DLG2: variants seen among roughly 807,000 people sequenced by gnomAD.
DLG2 encodes discs large MAGUK scaffold protein 2.
Under a neutral mutation model 132.5 loss-of-function variants are expected in DLG2, and 45 were observed. That is an observed-to-expected ratio of 0.34 (90% CI 0.27 to 0.44). The LOEUF is 0.44. Among genes scored for constraint, DLG2 ranks in the 20% least tolerant of loss-of-function variants. The pLI, the probability that DLG2 is intolerant of heterozygous loss-of-function variation, is 1.00. For missense variants in DLG2, 1,045 were observed against 1,196.9 expected, an observed-to-expected ratio of 0.87 and a Z score of 1.87; for synonymous variants, 424 against 419.6, an observed-to-expected ratio of 1.01 and a Z score of -0.13.
At chr11:84,807,035 C>T (rs776522116) in intron 6 of DLG2, among the ~76,000 whole-genome samples, 4 of 151,994 alleles carry the variant, frequency 2.6e-5, no homozygotes, top group Non-Finnish European at 4.4e-5. Flanking sequence ...AAAAGGTGGA[C>T]CCAAACATAC....
At chr11:84,394,970 T>A (rs1286080159) in intron 7 of DLG2, among the ~76,000 whole-genome samples, 20 of 152,192 alleles carry the variant, frequency 1.3e-4, no homozygotes, top group Admixed American at 1.2e-3. Flanking sequence ...CCCCTCCTTC[T>A]GTAATGCCTG....
intron 6 of DLG2, among the ~76,000 whole-genome samples, chr11:84,622,615 A>G (rs1261326898): frequency 1.3e-5 from 2 of 152,186 alleles, no homozygotes; most frequent in African/African-American, 4.8e-5. Flanking sequence ...ATTGCCAGGG[A>G]GACTTCATAG....
At chr11:85,180,173 A>G (rs765922461) in intron 4 of DLG2, among the ~76,000 whole-genome samples, 2 of 151,912 alleles carry the variant, frequency 1.3e-5, no homozygotes, top group African/African-American at 2.4e-5. Context: ...AATATATACT[A>G]ATACCATCCA....
intron 6 of DLG2, among the ~76,000 whole-genome samples, chr11:84,883,664 T>C (rs1365137296): frequency 2.0e-5 from 3 of 152,112 alleles, no homozygotes; most frequent in Non-Finnish European, 2.9e-5. Flanking sequence ...TAAACCATCA[T>C]TGCTAAAATA....
chr11:84,899,910 C>T (rs557743877), intron 6 of DLG2, among the ~76,000 whole-genome samples: 7 of 152,106 alleles, frequency 4.6e-5, no homozygotes, highest in Non-Finnish European at 8.8e-5. Context: ...ACTGGGGTAC[C>T]ATTTGGTAAA....
At chr11:84,578,843 C>T (rs1020993035) in intron 6 of DLG2, among the ~76,000 whole-genome samples, 6 of 152,152 alleles carry the variant, frequency 3.9e-5, no homozygotes, top group Admixed American at 1.3e-4. Flanking sequence ...GTGACCCTAC[C>T]GAAATCTCAA....
chr11:83,667,975 CAAAAAAAAAAA>C lies in DLG2; in HGVS notation c.1826-34661_1826-34651del, dbSNP rs10688898. On this transcript the variant is annotated intron_variant, in intron 18 of 27. Coordinates refer to ENST00000376104, the MANE Select transcript of DLG2 (RefSeq NM_001142699.3). The stretch of plus-strand genomic sequence containing the variant: ...CGGGCGACAGAGTGAGACTCCGTCT[CAAAAAAAAAAA>C]AAAAAAAAAAAGAAATTAAAGGAAG... Among the ~76,000 whole-genome samples, 106 of 39,596 alleles carry C rather than the reference CAAAAAAAAAAA, an allele frequency of 2.7e-3. 1 individual carries two copies. The Middle Eastern group carries it at 0.29, about 110-fold the overall frequency. 26.0% of individuals were successfully genotyped at this position (39,596 alleles called of 152,430 possible). A position where few individuals can be genotyped will look rare whatever the true frequency, so the allele number is the denominator to read the frequency against.
At chr11:85,394,123 CCTTAA>C (rs768393189) in intron 3 of DLG2, among the ~76,000 whole-genome samples, 14 of 152,086 alleles carry the variant, frequency 9.2e-5, no homozygotes, top group Non-Finnish European at 1.3e-4. Context: ...GGTTGTCTGC[CCTTAA>C]CTTCTGTTCC....
rs55655744 is a variant in DLG2, at chr11:84,711,031, T to TAGAG, written c.358-176304_358-176301dup. On this transcript the variant is annotated intron_variant, in intron 6 of 27. Coordinates refer to ENST00000376104, the MANE Select transcript of DLG2 (RefSeq NM_001142699.3). ...ATAGATATATATATATATATATATA[T>TAGAG]AGAGCTGAAAAAAGCATTAAAGTAG... Among the ~76,000 whole-genome samples, 324 of 124,784 alleles carry TAGAG rather than the reference T, an allele frequency of 2.6e-3. 1 individual carries two copies. The highest frequency in any genetic ancestry group is 8.1e-3 in the Middle Eastern group (2 of 246). The allele number at this position is 124,784 out of a possible 152,430, so 81.9% of individuals were successfully genotyped here.
chr11:84,538,835 T>C (rs761814499), intron 6 of DLG2, among the ~76,000 whole-genome samples: 3 of 152,160 alleles, frequency 2.0e-5, no homozygotes, highest in Non-Finnish European at 2.9e-5. Context: ...CCCGTGTTTT[T>C]TTTTCTTTGA....
chr11:84,917,290 G>A (rs184205623), intron 6 of DLG2, among the ~76,000 whole-genome samples: 7 of 152,226 alleles, frequency 4.6e-5, no homozygotes, highest in Admixed American at 4.6e-4. Context: ...GCCAAGAAAA[G>A]GAATGGCAAG....
intron 6 of DLG2, among the ~76,000 whole-genome samples, chr11:84,742,911 C>G (rs2064871921): frequency 6.6e-6 from 1 of 152,084 alleles, no homozygotes; most frequent in African/African-American, 2.4e-5. Context: ...CAATATGTAG[C>G]CTTTTAATAT....
chr11:85,466,652 C>G (rs2092801367), intron 3 of DLG2, among the ~76,000 whole-genome samples: 1 of 151,966 alleles, frequency 6.6e-6, no homozygotes, highest in Non-Finnish European at 1.5e-5. Context: ...GGGCTCTGTC[C>G]TGTTCCATTG....
intron 17 of DLG2, among the ~76,000 whole-genome samples, chr11:83,804,350 T>C (rs1331873032): frequency 6.6e-6 from 1 of 152,140 alleles, no homozygotes; most frequent in Non-Finnish European, 1.5e-5. Context: ...TCTGTTGCTT[T>C]TGTTTTTTCC....
intron 3 of DLG2, among the ~76,000 whole-genome samples, chr11:85,464,939 T>A (rs761257213): frequency 1.3e-5 from 2 of 151,060 alleles, no homozygotes; most frequent in East Asian, 3.9e-4. Context: ...CTGGGCATGG[T>A]CACAGGAACT....
intron 19 of DLG2, among the ~76,000 whole-genome samples, chr11:83,591,915 C>G (rs2097194475): frequency 7.1e-6 from 1 of 141,064 alleles, no homozygotes; most frequent in Non-Finnish European, 1.5e-5. Flanking sequence ...GAATAAAATA[C>G]CTAGGAATCC....
rs1479325365 is a variant in DLG2, at chr11:83,904,892, A to G, written c.1496+25436T>C. Among the ~76,000 whole-genome samples the G allele has an allele frequency of 2.6e-5, 4 of 152,150 alleles. No homozygotes were observed. In the East Asian group the frequency reaches 7.7e-4, roughly 29 times the overall value. On this transcript the variant is annotated intron_variant, in intron 15 of 27. Coordinates refer to ENST00000376104, the MANE Select transcript of DLG2 (RefSeq NM_001142699.3). ...TTTTATTCTGGCTACAGCTATTATT[A>G]TAAGTAATAAAGTCTCTGATTCAGG...
chr11:84,427,108 G>A (rs773034183), intron 7 of DLG2, among the ~76,000 whole-genome samples: 1 of 152,022 alleles, frequency 6.6e-6, no homozygotes, highest in Non-Finnish European at 1.5e-5. Flanking sequence ...AAGTTCATTC[G>A]GAAGCCCAGG....
At chr11:85,283,272 T>A (rs533568783) in intron 4 of DLG2, among the ~76,000 whole-genome samples, 136 of 151,052 alleles carry the variant, frequency 9.0e-4, no homozygotes, top group Non-Finnish European at 1.7e-3. Context: ...ATTACTTTTT[T>A]AAAAAAAAGA....
Sources: allele counts gnomAD v4.1 joint callset (sites outside exome capture counted in the v4.1 genomes callset), GRCh38; gene constraint gnomAD v4.1.1; transcripts MANE v1.5; gene names NCBI Gene and HGNC (gene_info 2026-07-23, HGNC 2026-07-21).